Variants in RIPOR2 observed in about 807,000 individuals in gnomAD.
RIPOR2 encodes the protein RHO family interacting cell polarization regulator 2, also known as rho family-interacting cell polarization regulator 2.
RIPOR2 carries 39 observed loss-of-function variants against 114.5 expected under a neutral mutation model. The observed-to-expected ratio is 0.34, with a 90% CI of 0.26 to 0.44. The LOEUF (loss-of-function observed/expected upper bound fraction) is 0.44, where lower values mean the gene tolerates loss of function less well. RIPOR2 is among the 20% of genes least tolerant of loss of function. RIPOR2 has a pLI of 1.00. For synonymous variants in RIPOR2, 445 were observed against 484.4 expected, an observed-to-expected ratio of 0.92 and a Z score of 1.07; for missense variants, 1,007 against 1,255.1, an observed-to-expected ratio of 0.80 and a Z score of 2.99.
At chr6:24,850,766 T>G (rs1240898830) in intron 9 of RIPOR2, 44 bp from the exon 10 acceptor site, 2 of 1,609,824 alleles carry the variant, frequency 1.2e-6, no homozygotes, top group Admixed American at 1.7e-5. Context: ...TGCCACCCCC[T>G]CTTCTCCACC....
chr6:24,890,592 A>G (rs1398234359), intron 1 of RIPOR2, among the ~76,000 whole-genome samples: 1 of 152,062 alleles, frequency 6.6e-6, no homozygotes, highest in Admixed American at 6.6e-5. Context: ...CCTGGACTTC[A>G]CCACTATGCA....
chr6:24,811,231 T>TC (rs1781132554), intron 20 of RIPOR2, among the ~76,000 whole-genome samples: 2 of 13,078 alleles, frequency 1.5e-4, no homozygotes, highest in African/African-American at 2.1e-4. Context: ...TCTCATTCTT[T>TC]TTTTTTTTTT....
intron 5 of RIPOR2, among the ~76,000 whole-genome samples, chr6:24,869,869 C>A (rs1191165830): frequency 6.6e-6 from 1 of 152,142 alleles, no homozygotes; most frequent in African/African-American, 2.4e-5. Context: ...TTGCTACCGG[C>A]AGACAGCTGC....
At chr6:24,913,146 C>T (rs1261697159) in intron 1 of RIPOR2, among the ~76,000 whole-genome samples, 1 of 101,574 alleles carries the variant, frequency 9.8e-6, no homozygotes, top group East Asian at 2.6e-4. Context: ...GTGGGCATGA[C>T]TTGAGTGTGT....
chr6:24,822,577 G>A (rs1759792663), intron 19 of RIPOR2, among the ~76,000 whole-genome samples: 1 of 152,250 alleles, frequency 6.6e-6, no homozygotes, highest in East Asian at 1.9e-4. Context: ...GGAGTGCAAT[G>A]GTGCGATCTC....
At chr6:24,890,937 C>T (rs574926259) in intron 1 of RIPOR2, among the ~76,000 whole-genome samples, 45 of 149,292 alleles carry the variant, frequency 3.0e-4, no homozygotes, top group African/African-American at 1.1e-3. Flanking sequence ...GGCCACTGCA[C>T]CTGGCTCCCA....
intron 19 of RIPOR2, among the ~76,000 whole-genome samples, chr6:24,824,050 C>T (rs991698679): frequency 1.3e-5 from 2 of 152,218 alleles, no homozygotes; most frequent in African/African-American, 4.8e-5. Context: ...AGCCACCGCG[C>T]CTGGGCCCCT....
chr6:24,835,336 A>C (rs547683782), intron 15 of RIPOR2, among the ~76,000 whole-genome samples: 34 of 152,282 alleles, frequency 2.2e-4, no homozygotes, highest in African/African-American at 7.0e-4. Flanking sequence ...TTCATTTGAC[A>C]TTCATGTTAA....
intron 1 of RIPOR2, among the ~76,000 whole-genome samples, chr6:24,956,109 T>C (rs1464799204): frequency 2.6e-5 from 4 of 151,272 alleles, no homozygotes; most frequent in Admixed American, 6.6e-5. Flanking sequence ...AAGAAGAAAA[T>C]AAAAATCACA....
chr6:24,924,703 A>G (rs945789617), intron 1 of RIPOR2, among the ~76,000 whole-genome samples: 1 of 152,176 alleles, frequency 6.6e-6, no homozygotes, highest in Non-Finnish European at 1.5e-5. Context: ...TTTAATAATG[A>G]TAAGACCCTC....
chr6:24,910,984 C>T (rs895606115), intron 1 of RIPOR2: 2 of 984,962 alleles, frequency 2.0e-6, no homozygotes, highest in Non-Finnish European at 2.4e-6. Flanking sequence ...GTCGGGTGGA[C>T]GCGAGCTGTC....
At chr6:24,945,733 A>G (rs1772372225) in intron 1 of RIPOR2, among the ~76,000 whole-genome samples, 1 of 152,196 alleles carries the variant, frequency 6.6e-6, no homozygotes, top group East Asian at 1.9e-4. Flanking sequence ...GGCGATCACT[A>G]AGAAAATAAA....
intron 1 of RIPOR2, among the ~76,000 whole-genome samples, chr6:24,987,406 G>A (rs753335382): frequency 1.3e-5 from 2 of 152,172 alleles, no homozygotes; most frequent in Non-Finnish European, 2.9e-5. Flanking sequence ...TATGACTGAC[G>A]GGTGGTGCCA....
intron 18 of RIPOR2, 95 bp from the exon 19 acceptor site, chr6:24,825,523 A>G (rs1760088473): frequency 1.1e-5 from 9 of 853,084 alleles, no homozygotes; most frequent in Non-Finnish European, 1.7e-5. Flanking sequence ...ATAAGAAAGT[A>G]TAGTATAGTA....
intron 1 of RIPOR2, among the ~76,000 whole-genome samples, chr6:24,890,553 T>C (rs1001942471): frequency 5.3e-5 from 8 of 152,170 alleles, no homozygotes; most frequent in African/African-American, 1.7e-4. Flanking sequence ...ATACCATGTA[T>C]GTTATTTGGG....
chr6:24,945,088 C>T (rs1772341161), intron 1 of RIPOR2, among the ~76,000 whole-genome samples: 1 of 151,742 alleles, frequency 6.6e-6, no homozygotes, highest in Admixed American at 6.6e-5. Context: ...TGTATATATT[C>T]CATACATGTA....
At chr6:25,041,745 A>G in intron 1 of RIPOR2, 3 of 624,644 alleles carry the variant, frequency 4.8e-6, no homozygotes. Context: ...GAGAGGAGGA[A>G]GGGGGAAAGA....
At chr6:25,036,315 T>C (rs992502377) in intron 1 of RIPOR2, among the ~76,000 whole-genome samples, 3 of 152,212 alleles carry the variant, frequency 2.0e-5, no homozygotes, top group Non-Finnish European at 2.9e-5. Context: ...ATTCCTCTGA[T>C]TGGAGTCCAC....
chr6:24,873,871 A>G, intron 2 of RIPOR2, 72 bp from the exon 3 acceptor site: 1 of 1,291,478 alleles, frequency 7.7e-7, no homozygotes, highest in Non-Finnish European at 1.1e-6. Context: ...AATGTCTTCT[A>G]TTATTTACTT....
Sources: allele counts gnomAD v4.1 joint callset (sites outside exome capture counted in the v4.1 genomes callset), GRCh38; gene constraint gnomAD v4.1.1; transcripts MANE v1.5; gene names NCBI Gene and HGNC (gene_info 2026-07-23, HGNC 2026-07-21).